Variants in LRIT1 observed in about 807,000 individuals in gnomAD.
The protein encoded by LRIT1 is leucine rich repeat, Ig-like and transmembrane domains 1.
A neutral mutation model predicts 24.0 loss-of-function variants in LRIT1; 23 were observed. The ratio of observed to expected loss-of-function variants is 0.96; its 90% confidence interval spans 0.69 to 1.36. The LOEUF (loss-of-function observed/expected upper bound fraction) is 1.36. Ranked by LOEUF, LRIT1 falls within the 40% of genes most tolerant of loss-of-function variation. The probability of loss-of-function intolerance (pLI) is 0.00; values close to 1 mark genes in which losing one functional copy is unlikely to be tolerated. For synonymous variants in LRIT1, 361 were observed against 340.5 expected (o/e 1.06, Z -0.66); for missense variants, 846 against 806.3 (o/e 1.05, Z -0.60).
At chr10:84,236,933 C>T (rs192280436) in intron 2 of LRIT1, among the ~76,000 whole-genome samples, 1 of 152,252 alleles carries the variant, frequency 6.6e-6, no homozygotes, top group East Asian at 1.9e-4. Flanking sequence ...GAAAAAATAG[C>T]AGGTCCAGCT....
At chr10:84,240,196 G>A (rs1276164759) in intron 1 of LRIT1, among the ~76,000 whole-genome samples, 1 of 152,196 alleles carries the variant, frequency 6.6e-6, no homozygotes, top group Non-Finnish European at 1.5e-5. Context: ...ACGGGTGGTG[G>A]GAGGCTTTTT....
intron 1 of LRIT1, among the ~76,000 whole-genome samples, chr10:84,239,207 C>T (rs1344632561): frequency 6.6e-6 from 1 of 152,222 alleles, no homozygotes; most frequent in Non-Finnish European, 1.5e-5. Context: ...GAGAATCAGC[C>T]TCATAGCCCC....
intron 1 of LRIT1, among the ~76,000 whole-genome samples, chr10:84,241,083 C>T (rs765157380): frequency 1.7e-4 from 26 of 152,180 alleles, no homozygotes; most frequent in Non-Finnish European, 3.5e-4. Flanking sequence ...AACTGACATA[C>T]TTGTGCCTCA....
At chr10:84,235,913 G>C (rs533688901) in intron 2 of LRIT1, among the ~76,000 whole-genome samples, 2 of 150,952 alleles carry the variant, frequency 1.3e-5, no homozygotes, top group African/African-American at 4.8e-5. Context: ...ACCCGGCCCA[G>C]ATGGGTTTTT....
Position 84,232,238 on chromosome 10 carries a change from C to T in LRIT1, c.1561G>A (p.Ala521Thr), listed in dbSNP as rs771092194. 6.2e-7 allele frequency: 1 copy of T among 1,614,212 alleles called. No homozygotes were observed. Among genetic ancestry groups the T allele is most frequent in the South Asian group, 1.1e-5 (1 of 91,082 alleles). The part of the protein sequence containing the change: ...VIFSTNEVVD[A>T]ENTQQLINVV... ...TTGATAAGCTGCTGAGTGTTCTCAGCATCCACCACTTCATTGGTGGAGAAA... is the reference window on the plus strand; with the variant it reads ...TTGATAAGCTGCTGAGTGTTCTCAGTATCCACCACTTCATTGGTGGAGAAA... The change falls in exon 4 of 4, where the codon GCT becomes ACT. Residue 521 changes from alanine (A) to threonine (T), a missense_variant. Coordinates refer to ENST00000372105, the MANE Select transcript of LRIT1 (RefSeq NM_015613.3).
chr10:84,236,221 G>A (rs573789491), intron 2 of LRIT1, among the ~76,000 whole-genome samples: 13 of 151,954 alleles, frequency 8.6e-5, no homozygotes, highest in African/African-American at 2.2e-4. Context: ...GTGTGAACCC[G>A]GGAGGCAGAG....
rs537914279 is a variant in LRIT1, at chr10:84,236,275, G to A, written c.589+945C>T. ...CGTGCCACTGGACTCCATCCTGGGC[G>A]ACAGAGCAAGACTCCGTCTCAAAAA... On this transcript the variant is annotated intron_variant, in intron 2 of 3. Coordinates refer to ENST00000372105, the MANE Select transcript of LRIT1 (RefSeq NM_015613.3). 2.5e-3 allele frequency among the ~76,000 whole-genome samples: 380 copies of A among 150,708 alleles called. 2 individuals are homozygous for A. The highest frequency in any genetic ancestry group is 7.5e-3 in the African/African-American group (308 of 41,082).
chr10:84,231,855 T>C lies in LRIT1; in HGVS notation c.*72A>G, dbSNP rs1842599079. On this transcript the variant is annotated 3_prime_UTR_variant, in exon 4 of 4. Transcript: ENST00000372105. ...TACCCGAGCAGGTAAGAGTGGGTGA[T>C]CGTGTACTCAGGTGTCAGAGCTAAA... The C allele has an allele frequency of 6.6e-7, 1 of 1,514,118 alleles. No homozygotes were observed. The highest frequency in any genetic ancestry group is 8.9e-7 in the Non-Finnish European group (1 of 1,128,450). 93.8% of individuals were successfully genotyped at this position (1,514,118 alleles called of 1,614,324 possible).
intron 1 of LRIT1, among the ~76,000 whole-genome samples, 195 bp downstream of exon 1, chr10:84,241,123 T>C (rs1842687374): frequency 1.3e-5 from 2 of 152,104 alleles, no homozygotes; most frequent in Non-Finnish European, 2.9e-5. Flanking sequence ...AGATACCTGG[T>C]ACCTCTCGAA....
chr10:84,234,874 G>A (rs553014104), intron 2 of LRIT1, among the ~76,000 whole-genome samples: 5 of 152,260 alleles, frequency 3.3e-5, no homozygotes, highest in African/African-American at 7.2e-5. Flanking sequence ...TTAAATGGGC[G>A]TAAACAGCAG....
intron 1 of LRIT1, among the ~76,000 whole-genome samples, chr10:84,240,531 G>A (rs1019073967): frequency 6.6e-5 from 10 of 152,164 alleles, no homozygotes; most frequent in African/African-American, 2.4e-4. Context: ...TAAAGAAGTT[G>A]GAGAAAAGAT....
At chr10:84,238,819 A>G (rs1842672355) in intron 1 of LRIT1, among the ~76,000 whole-genome samples, 1 of 152,186 alleles carries the variant, frequency 6.6e-6, no homozygotes, top group Non-Finnish European at 1.5e-5. Flanking sequence ...ACCTTATTCC[A>G]TTAAGTTTGA....
In LRIT1 at chr10:84,232,826, C is replaced by G; in HGVS notation, c.973G>C (p.Asp325His). ...LPAVSHLDSGDYICQAKNFLG... is the reference protein window; with the variant it reads ...LPAVSHLDSGHYICQAKNFLG... ...AAGTTCTTGGCTTGGCAGATGTAGT[C>G]TCCGGAGTCAAGGTGGGACACTGCA... The change falls in exon 4 of 4, where the codon GAC becomes CAC. Residue 325 changes from aspartate to histidine, a missense_variant. Coordinates refer to ENST00000372105, the MANE Select transcript of LRIT1 (RefSeq NM_015613.3). 1 of 1,613,472 alleles carries G rather than the reference C, an allele frequency of 6.2e-7. No individual in the cohort carries two copies. The highest frequency in any genetic ancestry group is 1.1e-5 in the South Asian group (1 of 91,072).
intron 1 of LRIT1, among the ~76,000 whole-genome samples, chr10:84,240,916 A>G (rs1238323771): frequency 6.6e-6 from 1 of 152,116 alleles, no homozygotes; most frequent in African/African-American, 2.4e-5. Context: ...AGAGAGTGCA[A>G]GTGGCCTGGG....
rs773633352 is a variant in LRIT1, at chr10:84,232,020, G to A, written c.1779C>T (p.Ser593=). The part of the protein sequence containing the change: ...GLEELSRHSV[S]EADRLLSARS... ...GAGCTGAGAGAAGCCTGTCAGCCTC[G>A]CTGACACTGTGCCGGGACAGCTCCT... The change falls in exon 4 of 4, where the codon AGC becomes AGT. Residue 593 remains serine (S), a synonymous_variant. Coordinates refer to ENST00000372105, the MANE Select transcript of LRIT1 (RefSeq NM_015613.3). 65 of 1,613,974 alleles carry A rather than the reference G, an allele frequency of 4.0e-5. No individual in the cohort carries two copies. Among genetic ancestry groups the A allele is most frequent in the East Asian group, 3.6e-4 (16 of 44,894 alleles).
In LRIT1 at chr10:84,237,595, G is replaced by T; in HGVS notation, c.214C>A (p.Arg72Ser). The stretch of plus-strand genomic sequence containing the variant: ...CTGAAGGCCTCGCCAGGAACCCTGC[G>T]TATGGCCGTCCGCTCCAGGCGCAGT... The part of the protein sequence containing the change: ...SRLRLERTAI[R>S]RVPGEAFRPL... The change falls in exon 2 of 4, where the codon CGC (arginine) becomes AGC (serine). Residue 72 changes from arginine to serine, a missense_variant. By Grantham distance (110) the Arg-to-Ser change is moderately radical. Transcript: ENST00000372105. The T allele has an allele frequency of 6.2e-7, 1 of 1,606,774 alleles. No individual in the cohort carries two copies. Among genetic ancestry groups the T allele is most frequent in the Non-Finnish European group, 8.5e-7 (1 of 1,179,768 alleles).
At chr10:84,238,260 C>T (rs12219949) in intron 1 of LRIT1, among the ~76,000 whole-genome samples, 6 of 151,164 alleles carry the variant, frequency 4.0e-5, no homozygotes, top group South Asian at 2.1e-4. Context: ...GAGGCTGAGG[C>T]GGGACAATCG....
At chr10:84,237,720 A>G in intron 1 of LRIT1, 34 bp from the exon 2 acceptor site, 1 of 1,519,426 alleles carries the variant, frequency 6.6e-7, no homozygotes, top group Non-Finnish European at 8.9e-7. Flanking sequence ...TTGAGCAAGG[A>G]TCCTGCCGGG....
intron 1 of LRIT1, 84 bp downstream of exon 1, chr10:84,241,234 C>T: frequency 6.3e-7 from 1 of 1,593,620 alleles, no homozygotes; most frequent in South Asian, 1.1e-5. Flanking sequence ...TCACCCAGGG[C>T]CCCAGCTCCA....
Sources: allele counts gnomAD v4.1 joint callset (sites outside exome capture counted in the v4.1 genomes callset), GRCh38; gene constraint gnomAD v4.1.1; transcripts MANE v1.5; gene names NCBI Gene and HGNC (gene_info 2026-07-23, HGNC 2026-07-21).